The following SLC14A2 variants were observed in gnomAD, a reference collection of about 807,000 sequenced individuals.
SLC14A2 encodes the protein solute carrier family 14 member 2.
Under a neutral mutation model 104.6 loss-of-function variants are expected in SLC14A2, and 91 were observed. That is an observed-to-expected ratio of 0.87 (90% CI 0.73 to 1.04). SLC14A2 has a LOEUF of 1.04. Ranked by LOEUF, SLC14A2 falls within the 50% of genes least tolerant of loss-of-function variation. The pLI, the probability that SLC14A2 is intolerant of heterozygous loss-of-function variation, is 0.00. For synonymous variants in SLC14A2, 476 were observed against 466.4 expected, an observed-to-expected ratio of 1.02 and a Z score of -0.27; for missense variants, 1,189 against 1,156.0, an observed-to-expected ratio of 1.03 and a Z score of -0.41.
chr18:45,368,032 T>C (rs2085684182), intron 1 of SLC14A2, among the ~76,000 whole-genome samples: 1 of 152,082 alleles, frequency 6.6e-6, no homozygotes, highest in African/African-American at 2.4e-5. Flanking sequence ...TGCTGCTCTG[T>C]GCACAGTGGG....
chr18:45,611,885 G>C (rs1377376764), upstream of SLC14A2, among the ~76,000 whole-genome samples: 3 of 152,194 alleles, frequency 2.0e-5, no homozygotes, highest in African/African-American at 7.2e-5. Context: ...AGGAAGGAAA[G>C]TGCTTTGTAA....
intron 10 of SLC14A2, among the ~76,000 whole-genome samples, chr18:45,662,978 T>C (rs1284297096): frequency 6.6e-6 from 1 of 152,166 alleles, no homozygotes; most frequent in Non-Finnish European, 1.5e-5. Flanking sequence ...AGAGACCCTA[T>C]CCCAAGTGAT....
intron 1 of SLC14A2, among the ~76,000 whole-genome samples, chr18:45,312,971 A>G (rs1295411543): frequency 6.6e-6 from 1 of 152,176 alleles, no homozygotes; most frequent in Non-Finnish European, 1.5e-5. Context: ...CTGATGGAGG[A>G]CATACATGGT....
intron 1 of SLC14A2, among the ~76,000 whole-genome samples, chr18:45,229,434 A>T (rs1056626864): frequency 2.5e-4 from 36 of 143,228 alleles, no homozygotes; most frequent in Admixed American, 1.2e-3. Context: ...TTGTTTGTTT[A>T]AAAAAAAAGC....
chr18:45,576,611 C>T (rs2044422664), intron 2 of SLC14A2, among the ~76,000 whole-genome samples: 2 of 152,022 alleles, frequency 1.3e-5, no homozygotes, highest in Non-Finnish European at 2.9e-5. Flanking sequence ...CAGTGTCTGG[C>T]ACCTGGGCTG....
At chr18:45,341,919 C>T (rs2085400283) in intron 1 of SLC14A2, among the ~76,000 whole-genome samples, 1 of 152,062 alleles carries the variant, frequency 6.6e-6, no homozygotes, top group African/African-American at 2.4e-5. Flanking sequence ...CACAAGAAGG[C>T]TGTGATGTGT....
intron 2 of SLC14A2, among the ~76,000 whole-genome samples, chr18:45,501,141 A>T (rs2043191672): frequency 6.6e-6 from 1 of 152,230 alleles, no homozygotes; most frequent in Non-Finnish European, 1.5e-5. Context: ...CTGAGGATCA[A>T]AAAGGCTATA....
At chr18:45,363,174 G>A (rs1030729360) in intron 1 of SLC14A2, among the ~76,000 whole-genome samples, 6 of 151,816 alleles carry the variant, frequency 4.0e-5, no homozygotes, top group African/African-American at 7.3e-5. Context: ...CCTTTTTATC[G>A]CTTCCATTTT....
chr18:45,226,682 G>A (rs1409736596), intron 1 of SLC14A2, among the ~76,000 whole-genome samples: 4 of 125,954 alleles, frequency 3.2e-5, no homozygotes, highest in South Asian at 3.3e-4. Context: ...GGGGGGAGGG[G>A]GGAGGGATAG....
chr18:45,345,305 C>T (rs992357621), intron 1 of SLC14A2, among the ~76,000 whole-genome samples: 6 of 152,184 alleles, frequency 3.9e-5, no homozygotes, highest in Non-Finnish European at 2.9e-5. Flanking sequence ...TTTTAAAATA[C>T]ATTATTGAGA....
chr18:45,543,596 G>C (rs990265494), intron 2 of SLC14A2, among the ~76,000 whole-genome samples: 5 of 152,190 alleles, frequency 3.3e-5, no homozygotes, highest in Admixed American at 6.5e-5. Flanking sequence ...TATTTGAAAA[G>C]AGCTTGTTTT....
chr18:45,413,610 T>C (rs537064886), intron 1 of SLC14A2, among the ~76,000 whole-genome samples: 6 of 152,266 alleles, frequency 3.9e-5, no homozygotes, highest in Admixed American at 6.5e-5. Context: ...CATGGCAACA[T>C]TGTAGATTTG....
In SLC14A2 at chr18:45,283,002, C is replaced by T. The variant is rs138944452; in HGVS notation, c.-125+69811C>T. Among the ~76,000 whole-genome samples, 990 of 152,284 alleles carry T rather than the reference C, an allele frequency of 6.5e-3. 11 individuals are homozygous for T. Among genetic ancestry groups the T allele is most frequent in the African/African-American group, 0.022 (897 of 41,552 alleles). On this transcript the variant is annotated intron_variant, in intron 1 of 20. Transcript: ENST00000586448. ...CATCAACAGTGATGGACCTCCGGCC[C>T]GGTTAAAGACACATGACATGGTCAC...
intron 2 of SLC14A2, among the ~76,000 whole-genome samples, chr18:45,596,262 T>C (rs1230316452): frequency 2.0e-5 from 3 of 152,166 alleles, no homozygotes; most frequent in African/African-American, 7.2e-5. Flanking sequence ...GCAGTGGAAA[T>C]TGGCACGGCT....
chr18:45,373,768 A>G (rs558057554), intron 1 of SLC14A2, among the ~76,000 whole-genome samples: 12 of 152,362 alleles, frequency 7.9e-5, no homozygotes, highest in African/African-American at 2.9e-4. Flanking sequence ...ATCACATACC[A>G]GCTCAGCACA....
chr18:45,464,761 G>T (rs898606596), intron 1 of SLC14A2, among the ~76,000 whole-genome samples: 1 of 152,172 alleles, frequency 6.6e-6, no homozygotes, highest in African/African-American at 2.4e-5. Flanking sequence ...CCTGGGCACG[G>T]CACCAAGTGA....
intron 2 of SLC14A2, among the ~76,000 whole-genome samples, chr18:45,561,364 C>G (rs2044199128): frequency 6.6e-6 from 1 of 152,136 alleles, no homozygotes; most frequent in Non-Finnish European, 1.5e-5. Flanking sequence ...TGGGGAAGCT[C>G]TCTGCAAGAG....
chr18:45,398,755 C>T (rs1368866967), intron 1 of SLC14A2, among the ~76,000 whole-genome samples: 3 of 152,078 alleles, frequency 2.0e-5, no homozygotes, highest in African/African-American at 4.8e-5. Flanking sequence ...ACCCAACCAA[C>T]TTAGGGCACT....
the SLC14A2 span, among the ~76,000 whole-genome samples, chr18:45,186,864 C>G: frequency 6.6e-6 from 1 of 152,146 alleles, no homozygotes; most frequent in Non-Finnish European, 1.5e-5. Context: ...ACTTTCCATC[C>G]AGGGATTGTA....
Sources: allele counts gnomAD v4.1 joint callset (sites outside exome capture counted in the v4.1 genomes callset), GRCh38; gene constraint gnomAD v4.1.1; transcripts MANE v1.5; gene names NCBI Gene and HGNC (gene_info 2026-07-23, HGNC 2026-07-21).